Variants in MBD5 observed in about 807,000 individuals in gnomAD.
MBD5 encodes the protein methyl-CpG-binding domain protein 5.
Under a neutral mutation model 117.3 loss-of-function variants are expected in MBD5, and 13 were observed. The observed-to-expected ratio is 0.11, with a 90% CI of 0.07 to 0.18. The LOEUF is 0.18. Among genes scored for constraint, MBD5 ranks in the 10% least tolerant of loss-of-function variants. The pLI, the probability that MBD5 is intolerant of heterozygous loss-of-function variation, is 1.00. For synonymous variants in MBD5, 727 were observed against 766.4 expected, an observed-to-expected ratio of 0.95 and a Z score of 0.85; for missense variants, 1,879 against 2,093.8, an observed-to-expected ratio of 0.90 and a Z score of 2.00.
chr2:148,093,765 C>A (rs1443249380), intron 1 of MBD5, among the ~76,000 whole-genome samples: 1 of 151,984 alleles, frequency 6.6e-6, no homozygotes, highest in Non-Finnish European at 1.5e-5. Flanking sequence ...GATGTTGAGG[C>A]TATGGAAATT....
chr2:148,504,484 T>C (rs1046472295), intron 12 of MBD5, among the ~76,000 whole-genome samples: 9 of 152,188 alleles, frequency 5.9e-5, no homozygotes, highest in Non-Finnish European at 1.2e-4. Flanking sequence ...AACCAAATCA[T>C]TTTTTAATTT....
intron 2 of MBD5, among the ~76,000 whole-genome samples, chr2:148,210,870 A>C (rs896316129): frequency 7.9e-5 from 12 of 152,072 alleles, no homozygotes; most frequent in Admixed American, 6.6e-5. Context: ...TTGATTACTT[A>C]AGATCTTAAA....
At chr2:148,028,411 C>T (rs1345694951) in intron 1 of MBD5, 2 of 151,950 alleles carry the variant, frequency 1.3e-5, no homozygotes, top group African/African-American at 4.8e-5. Flanking sequence ...AATTTAATAT[C>T]TGTATCTCAG....
At chr2:148,500,078 G>A (rs2105209710) in intron 11 of MBD5, among the ~76,000 whole-genome samples, 1 of 152,190 alleles carries the variant, frequency 6.6e-6, no homozygotes, top group Non-Finnish European at 1.5e-5. Flanking sequence ...ATAAGAGTAT[G>A]TTAGAGGCTT....
At position 148,207,992 on chromosome 2, in the gene MBD5, G is replaced by T. The variant is rs1297014214; in HGVS notation, c.-830-25253G>T. Among the ~76,000 whole-genome samples, 6 of 152,138 alleles carry T rather than the reference G, an allele frequency of 3.9e-5. No homozygotes were observed. In the East Asian group the frequency reaches 1.2e-3, roughly 29 times the overall value. On this transcript the variant is annotated intron_variant, in intron 2 of 13. Transcript: ENST00000642680. ...TAATTATTTTCTTATAGTTCTAGGGGCCAGGAGTCTGAAATCAGTATCACT... is the reference window on the plus strand; with the variant it reads ...TAATTATTTTCTTATAGTTCTAGGGTCCAGGAGTCTGAAATCAGTATCACT...
intron 4 of MBD5, among the ~76,000 whole-genome samples, chr2:148,382,675 C>T (rs2105449776): frequency 6.6e-6 from 1 of 152,306 alleles, no homozygotes; most frequent in Middle Eastern, 3.4e-3. Flanking sequence ...CAACACCACA[C>T]CTATTCCAAA....
At chr2:148,414,035 T>C (rs1361655628) in intron 4 of MBD5, among the ~76,000 whole-genome samples, 1 of 152,082 alleles carries the variant, frequency 6.6e-6, no homozygotes, top group Non-Finnish European at 1.5e-5. Context: ...GTGTTGTTTT[T>C]CTAGTTCTTC....
At chr2:148,039,132 A>T (rs547016278) in intron 1 of MBD5, among the ~76,000 whole-genome samples, 1 of 152,220 alleles carries the variant, frequency 6.6e-6, no homozygotes, top group African/African-American at 2.4e-5. Flanking sequence ...AAAAATAGAG[A>T]TAATCTTTCT....
At chr2:148,308,126 G>C (rs1701938127) in intron 3 of MBD5, among the ~76,000 whole-genome samples, 1 of 152,090 alleles carries the variant, frequency 6.6e-6, no homozygotes, top group African/African-American at 2.4e-5. Context: ...CCTTATAATA[G>C]AGTGATATAT....
At chr2:148,324,819 C>T (rs1057478874) in intron 3 of MBD5, among the ~76,000 whole-genome samples, 1 of 151,974 alleles carries the variant, frequency 6.6e-6, no homozygotes, top group Non-Finnish European at 1.5e-5. Flanking sequence ...AATTGAATAC[C>T]CTTTATTTCC....
chr2:148,412,303 T>TGTGTGTAG (rs371452995), intron 4 of MBD5, among the ~76,000 whole-genome samples: 1 of 138,118 alleles, frequency 7.2e-6, no homozygotes, highest in Non-Finnish European at 1.6e-5. Context: ...TGTGTGTGTG[T>TGTGTGTAG]AGAGAGAGAG....
At chr2:148,197,794 G>GTTTTTTTTTTTTGTTTTTTTTTTTTTTTT (rs56029734) in intron 2 of MBD5, among the ~76,000 whole-genome samples, 1 of 102,576 alleles carries the variant, frequency 9.7e-6, no homozygotes, top group Non-Finnish European at 1.9e-5. Flanking sequence ...AGCATCTGAG[G>GTTTTTTTTTTTTGTTTTTTTTTTTTTTTT]TTTTTTTTTT....
At chr2:148,099,571 A>G (rs932733655) in intron 1 of MBD5, among the ~76,000 whole-genome samples, 13 of 152,176 alleles carry the variant, frequency 8.5e-5, no homozygotes, top group Non-Finnish European at 1.6e-4. Context: ...TGGGTAATAA[A>G]AGAAAAGTGA....
At chr2:148,183,869 T>C (rs887885200) in intron 2 of MBD5, among the ~76,000 whole-genome samples, 5 of 152,104 alleles carry the variant, frequency 3.3e-5, no homozygotes, top group Admixed American at 6.5e-5. Context: ...TATGTAAAAA[T>C]CTAGGTTTTA....
chr2:148,318,475 T>A (rs1210284861), intron 3 of MBD5, among the ~76,000 whole-genome samples: 1 of 152,138 alleles, frequency 6.6e-6, no homozygotes, highest in African/African-American at 2.4e-5. Context: ...TTAGTCCTAT[T>A]TGTCTATTTT....
chr2:148,218,165 C>T (rs556818932), intron 2 of MBD5, among the ~76,000 whole-genome samples: 2 of 152,220 alleles, frequency 1.3e-5, no homozygotes, highest in African/African-American at 4.8e-5. Context: ...ACTTGCATGG[C>T]TTAATGTCTT....
chr2:148,234,508 A>G, intron 3 of MBD5, among the ~76,000 whole-genome samples: 1 of 152,162 alleles, frequency 6.6e-6, no homozygotes. Context: ...AACTTTTTGG[A>G]CAGCAAATCC....
chr2:148,376,450 G>A (rs999871066), intron 4 of MBD5, among the ~76,000 whole-genome samples: 3 of 150,080 alleles, frequency 2.0e-5, no homozygotes, highest in African/African-American at 4.9e-5. Context: ...TGTATTTTTA[G>A]CAGAGACGGG....
intron 3 of MBD5, among the ~76,000 whole-genome samples, chr2:148,266,400 G>A (rs533631291): frequency 7.2e-5 from 11 of 152,002 alleles, no homozygotes; most frequent in African/African-American, 2.6e-4. Flanking sequence ...TTCTTAATAT[G>A]ATAAAAAGCA....
Sources: allele counts gnomAD v4.1 joint callset (sites outside exome capture counted in the v4.1 genomes callset), GRCh38; gene constraint gnomAD v4.1.1; transcripts MANE v1.5; gene names NCBI Gene and HGNC (gene_info 2026-07-23, HGNC 2026-07-21).